Variants in ARHGAP15 observed in about 807,000 individuals in gnomAD.
ARHGAP15 encodes the protein rho GTPase-activating protein 15.
Under a neutral mutation model 63.7 loss-of-function variants are expected in ARHGAP15, and 51 were observed. The observed-to-expected ratio is 0.80, with a 90% CI of 0.64 to 1.01. ARHGAP15 has a LOEUF of 1.01. Among genes scored for constraint, ARHGAP15 ranks in the 50% least tolerant of loss-of-function variants. The probability of loss-of-function intolerance (pLI) is 0.00; values close to 1 mark genes in which losing one functional copy is unlikely to be tolerated. For synonymous variants in ARHGAP15, 191 were observed against 193.8 expected (o/e 0.99, Z 0.12); for missense variants, 560 against 564.6 (o/e 0.99, Z 0.08).
chr2:143,168,437 C>G (rs1277689194), intron 2 of ARHGAP15, among the ~76,000 whole-genome samples: 1 of 152,088 alleles, frequency 6.6e-6, no homozygotes, highest in East Asian at 1.9e-4. Context: ...CCTTGGCCTT[C>G]CAAAGTGCTG....
intron 12 of ARHGAP15, among the ~76,000 whole-genome samples, chr2:143,654,974 G>C (rs1451536290): frequency 6.6e-6 from 1 of 152,156 alleles, no homozygotes; most frequent in Non-Finnish European, 1.5e-5. Context: ...GCACACATCT[G>C]TATTCCCAGC....
chr2:143,529,744 C>T (rs1348349098), intron 10 of ARHGAP15, among the ~76,000 whole-genome samples: 2 of 152,158 alleles, frequency 1.3e-5, no homozygotes, highest in African/African-American at 4.8e-5. Flanking sequence ...TCACAAGAAT[C>T]ACCTTCTCCA....
intron 4 of ARHGAP15, among the ~76,000 whole-genome samples, chr2:143,227,004 C>T (rs188088718): frequency 1.9e-4 from 29 of 152,182 alleles, no homozygotes; most frequent in African/African-American, 7.0e-4. Context: ...TTTCTATTGA[C>T]CTGAATAAAG....
chr2:143,743,290 G>A (rs528015310), intron 13 of ARHGAP15, among the ~76,000 whole-genome samples: 3 of 152,282 alleles, frequency 2.0e-5, no homozygotes, highest in South Asian at 4.1e-4. Flanking sequence ...TGAAAAATAA[G>A]ATAATGCACT....
chr2:143,594,801 G>A (rs1319229428), intron 11 of ARHGAP15, among the ~76,000 whole-genome samples: 1 of 152,140 alleles, frequency 6.6e-6, no homozygotes. Context: ...TGTTACAGGA[G>A]CCTGTACATT....
At chr2:143,134,824 A>G (rs940338816) in intron 1 of ARHGAP15, among the ~76,000 whole-genome samples, 1 of 151,750 alleles carries the variant, frequency 6.6e-6, no homozygotes, top group Non-Finnish European at 1.5e-5. Flanking sequence ...TTTTTAGTAG[A>G]GTCGGGGTTT....
At chr2:143,175,590 T>A (rs72849979) in intron 2 of ARHGAP15, among the ~76,000 whole-genome samples, 2 of 152,126 alleles carry the variant, frequency 1.3e-5, no homozygotes, top group Non-Finnish European at 2.9e-5. Flanking sequence ...GGTATCCGCA[T>A]AGCACAGTGA....
chr2:143,472,434 A>AG (rs1216636599), intron 8 of ARHGAP15, among the ~76,000 whole-genome samples: 1 of 152,198 alleles, frequency 6.6e-6, no homozygotes, highest in African/African-American at 2.4e-5. Flanking sequence ...CAAAAGTGTG[A>AG]GAAAATGTAC....
chr2:143,483,944 A>T (rs74623191), intron 8 of ARHGAP15, among the ~76,000 whole-genome samples: 11,269 of 152,180 alleles, frequency 0.074, 631 homozygotes, highest in East Asian at 0.22. Context: ...CACAGGCCAG[A>T]CAGGCGGCCA....
At chr2:143,363,672 A>G (rs76083324) in intron 6 of ARHGAP15, among the ~76,000 whole-genome samples, 7,171 of 152,206 alleles carry the variant, frequency 0.047, 470 homozygotes, top group Admixed American at 0.2. Flanking sequence ...TATCATTATC[A>G]CATATTTCTC....
At chr2:143,281,504 C>T (rs1681847611) in intron 6 of ARHGAP15, among the ~76,000 whole-genome samples, 1 of 152,104 alleles carries the variant, frequency 6.6e-6, no homozygotes, top group African/African-American at 2.4e-5. Flanking sequence ...TGAGGTCCTG[C>T]AACAGTTCAG....
At chr2:143,167,132 T>A (rs1018411420) in intron 2 of ARHGAP15, among the ~76,000 whole-genome samples, 2 of 152,158 alleles carry the variant, frequency 1.3e-5, no homozygotes, top group Non-Finnish European at 2.9e-5. Context: ...AGTTCTTGAC[T>A]TAAAAATTTT....
chr2:143,715,619 T>C (rs987521179), intron 13 of ARHGAP15, among the ~76,000 whole-genome samples: 5 of 152,250 alleles, frequency 3.3e-5, no homozygotes, highest in African/African-American at 1.2e-4. Flanking sequence ...TGCTGTATAT[T>C]AGACCTTTGT....
At chr2:143,567,636 C>T (rs1696284078) in intron 11 of ARHGAP15, among the ~76,000 whole-genome samples, 1 of 152,110 alleles carries the variant, frequency 6.6e-6, no homozygotes, top group South Asian at 2.1e-4. Flanking sequence ...GTCCTTTAGG[C>T]CAAAAAAGAC....
At chr2:143,671,606 T>C (rs1682530515) in intron 12 of ARHGAP15, among the ~76,000 whole-genome samples, 2 of 152,190 alleles carry the variant, frequency 1.3e-5, no homozygotes, top group South Asian at 4.1e-4. Flanking sequence ...AAAAAAGTCA[T>C]TGCATTTACT....
intron 1 of ARHGAP15, among the ~76,000 whole-genome samples, chr2:143,140,553 A>G (rs1689320467): frequency 6.6e-6 from 1 of 152,152 alleles, no homozygotes; most frequent in South Asian, 2.1e-4. Context: ...AGTAAGGTAG[A>G]TAGTCCACAA....
At chr2:143,659,145 A>G (rs1014660166) in intron 12 of ARHGAP15, among the ~76,000 whole-genome samples, 1 of 152,206 alleles carries the variant, frequency 6.6e-6, no homozygotes. Flanking sequence ...ATATGTTCCA[A>G]ATATAGCTGG....
chr2:143,763,055 C>T (rs1465216977), intron 13 of ARHGAP15, among the ~76,000 whole-genome samples: 1 of 152,118 alleles, frequency 6.6e-6, no homozygotes, highest in East Asian at 1.9e-4. Context: ...TTCCAGCAGC[C>T]TATATTTCTT....
chr2:143,767,408 T>C (rs1311114855), intron 13 of ARHGAP15, among the ~76,000 whole-genome samples: 1 of 152,196 alleles, frequency 6.6e-6, no homozygotes, highest in Non-Finnish European at 1.5e-5. Context: ...TTCTGCATTT[T>C]ATTGTGGCAT....
Sources: gnomAD v4.1 joint callset for allele counts (sites outside exome capture counted in the v4.1 genomes callset) on GRCh38, gnomAD v4.1.1 for gene constraint, MANE v1.5 for transcripts, NCBI Gene and HGNC (gene_info 2026-07-23, HGNC 2026-07-21) for gene names.